EFCAB11: variants seen among roughly 807,000 people sequenced by gnomAD.
EFCAB11 encodes the protein EF-hand calcium-binding domain-containing protein 11.
A neutral mutation model predicts 23.0 loss-of-function variants in EFCAB11; 14 were observed. The ratio of observed to expected loss-of-function variants is 0.61; its 90% CI spans 0.40 to 0.95. The LOEUF is 0.95. Among genes scored for constraint, EFCAB11 ranks in the 40% least tolerant of loss-of-function variants. The pLI, the probability that EFCAB11 is intolerant of heterozygous loss-of-function variation, is 0.00. For synonymous variants in EFCAB11, 65 were observed against 66.6 expected (o/e 0.98, Z 0.11); for missense variants, 198 against 195.8 (o/e 1.01, Z -0.07).
chr14:89,852,578 GTTTCA>G (rs754242041), intron 5 of EFCAB11, among the ~76,000 whole-genome samples: 6 of 152,072 alleles, frequency 3.9e-5, no homozygotes, highest in Non-Finnish European at 8.8e-5. Context: ...CAACTTAAAT[GTTTCA>G]TTTTAAACTT....
At chr14:89,924,232 A>G in intron 5 of EFCAB11, 1 of 990,558 alleles carries the variant, frequency 1.0e-6, no homozygotes, top group Non-Finnish European at 1.2e-6. Flanking sequence ...ATGTCCTTTG[A>G]CCTTCCCTTG....
chr14:89,809,987 TTTTCTG>T (rs1357793802), intron 5 of EFCAB11, among the ~76,000 whole-genome samples: 1 of 152,226 alleles, frequency 6.6e-6, no homozygotes, highest in Non-Finnish European at 1.5e-5. Context: ...TTTAGAAGTA[TTTTCTG>T]TAGCCTATGG....
At chr14:89,824,375 G>A (rs1348511736) in intron 5 of EFCAB11, among the ~76,000 whole-genome samples, 9 of 152,038 alleles carry the variant, frequency 5.9e-5, no homozygotes, top group Non-Finnish European at 1.3e-4. Flanking sequence ...TTAAATTTAA[G>A]GAAGTTCCTT....
intron 5 of EFCAB11, chr14:89,930,933 A>C (rs1380542540): frequency 6.6e-6 from 1 of 152,286 alleles, no homozygotes; most frequent in African/African-American, 2.4e-5. Context: ...TTGCACTATT[A>C]ATATTACCTT....
chr14:89,819,127 G>A (rs1415109153), intron 5 of EFCAB11, among the ~76,000 whole-genome samples: 1 of 152,056 alleles, frequency 6.6e-6, no homozygotes, highest in Non-Finnish European at 1.5e-5. Flanking sequence ...CAAACCCAAC[G>A]CCCATCAACA....
chr14:89,929,575 G>A (rs1241726096), intron 5 of EFCAB11, among the ~76,000 whole-genome samples: 1 of 152,006 alleles, frequency 6.6e-6, no homozygotes, highest in Non-Finnish European at 1.5e-5. Flanking sequence ...TAGTAGACAT[G>A]GGGTTTCGCC....
At chr14:89,935,491 C>T (rs2139817033) in intron 3 of EFCAB11, among the ~76,000 whole-genome samples, 1 of 151,062 alleles carries the variant, frequency 6.6e-6, no homozygotes, top group African/African-American at 2.4e-5. Flanking sequence ...CAGCGCACTG[C>T]AGCCTCAAAA....
chr14:89,922,749 C>T (rs531532591), intron 5 of EFCAB11, among the ~76,000 whole-genome samples: 18 of 152,194 alleles, frequency 1.2e-4, no homozygotes, highest in Non-Finnish European at 2.1e-4. Flanking sequence ...TGCCTTCTCA[C>T]GTTTAGCTTC....
chr14:89,813,434 A>C (rs1395739601), intron 5 of EFCAB11, among the ~76,000 whole-genome samples: 8 of 152,242 alleles, frequency 5.3e-5, no homozygotes, highest in African/African-American at 1.9e-4. Context: ...TCATCTTAAC[A>C]AAAACAGAGA....
intron 5 of EFCAB11, among the ~76,000 whole-genome samples, chr14:89,905,957 G>A (rs1187469540): frequency 6.6e-6 from 1 of 152,086 alleles, no homozygotes; most frequent in African/African-American, 2.4e-5. Flanking sequence ...AAGGGATGAG[G>A]ATGATGACTT....
intron 3 of EFCAB11, among the ~76,000 whole-genome samples, chr14:89,937,296 T>C (rs1056342246): frequency 1.3e-5 from 2 of 152,186 alleles, no homozygotes; most frequent in African/African-American, 4.8e-5. Flanking sequence ...AAGGAAGAAC[T>C]ATTTGGTTTG....
chr14:89,890,480 T>G (rs2140187653), intron 5 of EFCAB11, among the ~76,000 whole-genome samples: 1 of 152,348 alleles, frequency 6.6e-6, no homozygotes, highest in Middle Eastern at 3.4e-3. Flanking sequence ...TTTCTAACAC[T>G]TAATAATTCT....
At chr14:89,860,700 A>T (rs528216456) in intron 5 of EFCAB11, among the ~76,000 whole-genome samples, 1 of 152,344 alleles carries the variant, frequency 6.6e-6, no homozygotes, top group African/African-American at 2.4e-5. Flanking sequence ...AAATTCTGAA[A>T]GAGTGGAATC....
At chr14:89,882,213 CTT>C (rs1274376161) in intron 5 of EFCAB11, among the ~76,000 whole-genome samples, 1 of 152,178 alleles carries the variant, frequency 6.6e-6, no homozygotes, top group African/African-American at 2.4e-5. Context: ...TCTGTGAAGA[CTT>C]TATTCAATGC....
intron 5 of EFCAB11, among the ~76,000 whole-genome samples, chr14:89,847,750 AAAAAAAAAAG>A (rs966612177): frequency 1.4e-5 from 2 of 144,458 alleles, no homozygotes; most frequent in Non-Finnish European, 1.5e-5. Context: ...ACAAAAAAAA[AAAAAAAAAAG>A]AAAGAAAGAA....
intron 5 of EFCAB11, among the ~76,000 whole-genome samples, chr14:89,909,384 C>T (rs1889592545): frequency 6.6e-6 from 1 of 152,146 alleles, no homozygotes; most frequent in African/African-American, 2.4e-5. Flanking sequence ...TTGAGACCAG[C>T]CTGGCCAATG....
chr14:89,807,772 C>A (rs1886017529), intron 5 of EFCAB11, among the ~76,000 whole-genome samples: 1 of 151,996 alleles, frequency 6.6e-6, no homozygotes, highest in African/African-American at 2.4e-5. Flanking sequence ...TGTTTACTTT[C>A]TTTGGGAAAT....
Position 89,795,776 on chromosome 14 carries a change from A to C in EFCAB11, c.*1467T>G, listed in dbSNP as rs558293455. 6.6e-6 allele frequency: 1 copy of C among 152,316 alleles called. No homozygotes were observed. The highest frequency in any genetic ancestry group is 2.1e-4 in the South Asian group (1 of 4,828). 9.4% of individuals were successfully genotyped at this position (152,316 alleles called of 1,614,324 possible). A position where few individuals can be genotyped will look rare whatever the true frequency, so the allele number is the denominator to read the frequency against. ...AATTTACAATTTTACTTGACCTTTA[A>C]ATTTTAACACTTAAAAAGTGAATTA... On this transcript the variant is annotated 3_prime_UTR_variant, in exon 6 of 6. Transcript: ENST00000316738.
chr14:89,896,757 C>T (rs971863759), intron 5 of EFCAB11, among the ~76,000 whole-genome samples: 3 of 152,196 alleles, frequency 2.0e-5, no homozygotes, highest in Non-Finnish European at 4.4e-5. Context: ...GTGGCACGAG[C>T]ATAGCTCACT....
Sources: allele counts gnomAD v4.1 joint callset (sites outside exome capture counted in the v4.1 genomes callset), GRCh38; gene constraint gnomAD v4.1.1; transcripts MANE v1.5; gene names NCBI Gene and HGNC (gene_info 2026-07-23, HGNC 2026-07-21).